Variants in EIF2AK2 observed in about 807,000 individuals in gnomAD.
EIF2AK2 encodes eukaryotic translation initiation factor 2 alpha kinase 2.
Under a neutral mutation model 70.5 loss-of-function variants are expected in EIF2AK2, and 40 were observed. That is an observed-to-expected ratio of 0.57 (90% confidence interval 0.44 to 0.74). The LOEUF (loss-of-function observed/expected upper bound fraction) is 0.74, where lower values mean the gene tolerates loss of function less well. Ranked by LOEUF, EIF2AK2 falls within the 30% of genes least tolerant of loss-of-function variation. EIF2AK2 has a pLI of 0.00. For synonymous variants in EIF2AK2, 198 were observed against 220.9 expected (o/e 0.90, Z 0.92); for missense variants, 555 against 644.3 (o/e 0.86, Z 1.50).
chr2:37,142,801 C>G (rs1028145467), intron 4 of EIF2AK2, among the ~76,000 whole-genome samples: 1 of 152,170 alleles, frequency 6.6e-6, no homozygotes, highest in Non-Finnish European at 1.5e-5. Context: ...CATTGCTACA[C>G]TATCTCCTGG....
chr2:37,149,186 T>G lies in EIF2AK2; in HGVS notation c.-183-163A>C, dbSNP rs972335239. 3.7e-6 allele frequency: 4 copies of G among 1,088,220 alleles called. No individual in the cohort carries two copies. The African/African-American group carries it at 6.2e-5, about 17-fold the overall frequency. The allele number at this position is 1,088,220 out of a possible 1,614,324, so 67.4% of individuals were successfully genotyped here. On this transcript the variant is annotated intron_variant, in intron 1 of 16. Coordinates refer to ENST00000233057, the MANE Select transcript of EIF2AK2 (RefSeq NM_001135651.3). ...AGATTGTTTAGGATGTTTCTATGCT[T>G]GTCGTGCCTGTGGTTCTACCAAGTG...
intron 10 of EIF2AK2, among the ~76,000 whole-genome samples, chr2:37,126,737 A>G (rs11678770): frequency 6.6e-6 from 1 of 152,096 alleles, no homozygotes; most frequent in Non-Finnish European, 1.5e-5. Context: ...CAGGTGGATC[A>G]CCTGAAGTCA....
chr2:37,120,193 A>C lies in EIF2AK2; in HGVS notation c.1068-54T>G, dbSNP rs890608163. ...AGTAACAATAAATATAAATTTATAAAAAATTTTTTATAACTTTTTAAAGTT... is the reference window on the plus strand; with the variant it reads ...AGTAACAATAAATATAAATTTATAACAAATTTTTTATAACTTTTTAAAGTT... On this transcript the variant is annotated intron_variant, in intron 12 of 16. Transcript: ENST00000233057. 1.2e-5 allele frequency: 14 copies of C among 1,130,518 alleles called. No homozygotes were observed. The African/African-American group carries it at 2.3e-4, about 18-fold the overall frequency. 70.0% of individuals were successfully genotyped at this position (1,130,518 alleles called of 1,614,324 possible). A position where few individuals can be genotyped will look rare whatever the true frequency, so the allele number is the denominator to read the frequency against.
intron 4 of EIF2AK2, among the ~76,000 whole-genome samples, chr2:37,143,525 GT>G (rs1240545715): frequency 1.3e-5 from 2 of 152,128 alleles, no homozygotes; most frequent in East Asian, 1.9e-4. Context: ...AAAAATGATG[GT>G]TGCATCTGTA....
Position 37,147,831 on chromosome 2 carries a change from G to C in EIF2AK2, c.-16-9C>G, listed in dbSNP as rs772407359. 1 of 1,557,258 alleles carries C rather than the reference G, an allele frequency of 6.4e-7. No individual in the cohort carries two copies. Among genetic ancestry groups the C allele is most frequent in the Non-Finnish European group, 8.8e-7 (1 of 1,130,156 alleles). ...TTTCTTCTTCCCGTATCCTACAATG[G>C]AAGAGACATTTGAATGAGTGATGCT... On this transcript the variant is annotated splice_polypyrimidine_tract_variant and intron_variant, in intron 2 of 16. Transcript: ENST00000233057.
intron 14 of EIF2AK2, among the ~76,000 whole-genome samples, chr2:37,112,961 A>G (rs189821517): frequency 1.1e-4 from 16 of 152,292 alleles, no homozygotes; most frequent in Non-Finnish European, 2.1e-4. Flanking sequence ...TTCTGTCTCT[A>G]TGAATTTTCC....
At chr2:37,137,379 C>G (rs1418280602) in intron 8 of EIF2AK2, among the ~76,000 whole-genome samples, 1 of 152,164 alleles carries the variant, frequency 6.6e-6, no homozygotes, top group Non-Finnish European at 1.5e-5. Context: ...TTCTTTATAA[C>G]AGAATACTCT....
At chr2:37,122,479 T>C (rs2307470) in intron 12 of EIF2AK2, 27 bp downstream of exon 12, 2 of 1,609,136 alleles carry the variant, frequency 1.2e-6, no homozygotes, top group East Asian at 2.2e-5. Flanking sequence ...CATCCTATTA[T>C]GGCTATGAGA....
At chr2:37,125,728 T>C (rs570508805) in intron 11 of EIF2AK2, among the ~76,000 whole-genome samples, 15 of 152,200 alleles carry the variant, frequency 9.9e-5, no homozygotes, top group Non-Finnish European at 2.2e-4. Flanking sequence ...CAAGTGAGAA[T>C]TGTCCAGATG....
intron 14 of EIF2AK2, 67 bp downstream of exon 14, chr2:37,114,664 G>T: frequency 7.2e-7 from 1 of 1,381,892 alleles, no homozygotes. Context: ...TATAAGTAGT[G>T]TCTACTCTTT....
Position 37,102,896 on chromosome 2 carries a change from T to G in EIF2AK2, c.*4377A>C, listed in dbSNP as rs896896765. 2 of 152,196 alleles carry G rather than the reference T, an allele frequency of 1.3e-5. No homozygotes were observed. Among genetic ancestry groups the G allele is most frequent in the South Asian group, 2.1e-4 (1 of 4,834 alleles). 9.4% of individuals were successfully genotyped at this position (152,196 alleles called of 1,614,324 possible). A position where few individuals can be genotyped will look rare whatever the true frequency, so the allele number is the denominator to read the frequency against. On this transcript the variant is annotated 3_prime_UTR_variant, in exon 17 of 17. Transcript: ENST00000233057. ...ATGCATGTGAATTTTATGTATGTAT[T>G]TATGTTAAACATGTACGTATTTAAA... is the stretch of plus-strand genomic sequence containing the variant.
At chr2:37,113,175 G>A (rs1573000296) in intron 14 of EIF2AK2, among the ~76,000 whole-genome samples, 1 of 152,052 alleles carries the variant, frequency 6.6e-6, no homozygotes, top group Non-Finnish European at 1.5e-5. Context: ...GAGAAACCTA[G>A]CAGCCGTATT....
At position 37,134,916 on chromosome 2, in the gene EIF2AK2, C is replaced by T. The variant is rs1675073653; in HGVS notation, c.785+568G>A. Among the ~76,000 whole-genome samples the T allele has an allele frequency of 2.0e-5, 3 of 152,336 alleles. No homozygotes were observed. The South Asian group carries it at 6.2e-4, about 32-fold the overall frequency. ...AATACGTTAGGAAGAGGAGGGCCAT[C>T]CACGTCATTCCTTTAATGGCTGCCT... On this transcript the variant is annotated intron_variant, in intron 10 of 16. Coordinates refer to ENST00000233057, the MANE Select transcript of EIF2AK2 (RefSeq NM_001135651.3).
chr2:37,147,348 G>A (rs945664826), intron 3 of EIF2AK2, among the ~76,000 whole-genome samples: 3 of 151,326 alleles, frequency 2.0e-5, no homozygotes, highest in Admixed American at 1.3e-4. Context: ...TAAGTTTTAG[G>A]GTACATGTGC....
At chr2:37,153,917 C>A (rs1675832193) in intron 1 of EIF2AK2, among the ~76,000 whole-genome samples, 2 of 152,312 alleles carry the variant, frequency 1.3e-5, no homozygotes, top group African/African-American at 2.4e-5. Flanking sequence ...AGTGGTTACA[C>A]CCATGTTACA....
At chr2:37,139,082 C>T (rs1355653404) in intron 6 of EIF2AK2, among the ~76,000 whole-genome samples, 1 of 151,730 alleles carries the variant, frequency 6.6e-6, no homozygotes, top group Non-Finnish European at 1.5e-5. Context: ...CTTTAGGAGG[C>T]TGAGGTGGGT....
rs186370061 is a variant in EIF2AK2 at position 37,143,174 on chromosome 2, G to C, written c.241-1473C>G. ...ACATGGGAGGCGGAGGTTGCAGTGA[G>C]ATTGTGCCACTGCACTCCAGCCTGG... On this transcript the variant is annotated intron_variant, in intron 4 of 16. Coordinates refer to ENST00000233057, the MANE Select transcript of EIF2AK2 (RefSeq NM_001135651.3). 1.3e-3 allele frequency among the ~76,000 whole-genome samples: 191 copies of C among 146,568 alleles called. 1 individual carries two copies. Among genetic ancestry groups the C allele is most frequent in the Admixed American group, 4.4e-3 (63 of 14,268 alleles).
At chr2:37,121,262 C>CAAAAA (rs70949733) in intron 12 of EIF2AK2, among the ~76,000 whole-genome samples, 16 of 72,702 alleles carry the variant, frequency 2.2e-4, no homozygotes, top group South Asian at 6.7e-4. Context: ...GACACCGTCT[C>CAAAAA]AAAAAAAAAA....
intron 12 of EIF2AK2, among the ~76,000 whole-genome samples, chr2:37,120,739 G>A (rs573472883): frequency 1.3e-5 from 2 of 149,456 alleles, no homozygotes; most frequent in African/African-American, 4.8e-5. Context: ...GAGACTGGCG[G>A]ATTGCTTGAG....
Sources: gnomAD v4.1 joint callset for allele counts (sites outside exome capture counted in the v4.1 genomes callset) on GRCh38, gnomAD v4.1.1 for gene constraint, MANE v1.5 for transcripts, NCBI Gene and HGNC (gene_info 2026-07-23, HGNC 2026-07-21) for gene names.